Variants in ATIC observed in about 807,000 individuals in gnomAD.
ATIC encodes the protein 5-aminoimidazole-4-carboxamide ribonucleotide formyltransferase/IMP cyclohydrolase.
ATIC carries 64 observed loss-of-function variants against 72.5 expected under a neutral mutation model. The ratio of observed to expected loss-of-function variants is 0.88; its 90% confidence interval spans 0.72 to 1.09. The LOEUF is 1.09. Ranked by LOEUF, ATIC falls within the 50% of genes least tolerant of loss-of-function variation. The probability of loss-of-function intolerance (pLI) is 0.00; values close to 1 mark genes in which losing one functional copy is unlikely to be tolerated. For missense variants in ATIC, 787 were observed against 732.4 expected (o/e 1.07, Z -0.86); for synonymous variants, 281 against 267.1 (o/e 1.05, Z -0.51).
chr2:215,323,991 A>G (rs184820242), intron 4 of ATIC, among the ~76,000 whole-genome samples: 7 of 151,962 alleles, frequency 4.6e-5, no homozygotes, highest in Admixed American at 3.3e-4. Flanking sequence ...TGAACTTCCA[A>G]CCTCAGTTGA....
chr2:215,355,689 G>T, the ATIC span, among the ~76,000 whole-genome samples: 2,676 of 152,314 alleles, frequency 0.018, 53 homozygotes, highest in Non-Finnish European at 0.024. Flanking sequence ...TAGGCATATA[G>T]AAAAGTGCAT....
intron 1 of ATIC, 44 bp downstream of exon 1, chr2:215,312,205 G>T: frequency 6.8e-7 from 1 of 1,480,938 alleles, no homozygotes; most frequent in Non-Finnish European, 8.9e-7. Flanking sequence ...CTCGCCTGCG[G>T]CCCCCCACGC....
chr2:215,314,363 A>G (rs1370414211), intron 2 of ATIC, among the ~76,000 whole-genome samples: 1 of 152,222 alleles, frequency 6.6e-6, no homozygotes, highest in Non-Finnish European at 1.5e-5. Flanking sequence ...GGTATTTTAC[A>G]TATATAAACT....
chr2:215,314,788 G>A (rs767318122), intron 2 of ATIC, among the ~76,000 whole-genome samples: 12 of 152,066 alleles, frequency 7.9e-5, no homozygotes, highest in East Asian at 1.9e-4. Flanking sequence ...CACCGCACCC[G>A]AGGCCAAGAT....
At chr2:215,366,304 G>C in the ATIC span, among the ~76,000 whole-genome samples, 1 of 152,100 alleles carries the variant, frequency 6.6e-6, no homozygotes, top group Non-Finnish European at 1.5e-5. Context: ...GATTGGAGTA[G>C]ACTGTTAGGA....
intron 7 of ATIC, among the ~76,000 whole-genome samples, chr2:215,328,517 C>A (rs759682209): frequency 6.6e-6 from 1 of 152,190 alleles, no homozygotes; most frequent in East Asian, 1.9e-4. Flanking sequence ...GGCTCCTTGT[C>A]CCCTTCACCC....
At chr2:215,332,041 G>C (rs1343566337) in intron 7 of ATIC, among the ~76,000 whole-genome samples, 1 of 151,890 alleles carries the variant, frequency 6.6e-6, no homozygotes, top group Non-Finnish European at 1.5e-5. Context: ...ATGAATTCCT[G>C]ACTGATCACT....
intron 12 of ATIC, among the ~76,000 whole-genome samples, chr2:215,340,827 T>G (rs2053011295): frequency 6.6e-6 from 1 of 152,228 alleles, no homozygotes; most frequent in South Asian, 2.1e-4. Flanking sequence ...CTTTAGTTTA[T>G]TGCATGCAAC....
chr2:215,325,200 T>G (rs1559269989), intron 4 of ATIC, 41 bp from the exon 5 acceptor site: 4 of 1,503,860 alleles, frequency 2.7e-6, no homozygotes, highest in Non-Finnish European at 3.7e-6. Context: ...ACCACATGAG[T>G]GGACTTTTTA....
intron 13 of ATIC, among the ~76,000 whole-genome samples, chr2:215,346,286 T>G (rs1040919196): frequency 6.6e-6 from 1 of 152,246 alleles, no homozygotes; most frequent in Admixed American, 6.5e-5. Flanking sequence ...TTCAGCCTCC[T>G]GAGTAGCTGG....
At chr2:215,333,571 A>G (rs748688982) in intron 9 of ATIC, 114 bp downstream of exon 9, 15 of 700,068 alleles carry the variant, frequency 2.1e-5, no homozygotes, top group African/African-American at 2.0e-4. Flanking sequence ...TGTATAATAT[A>G]TAGATGAAAT....
At chr2:215,314,376 T>C (rs747554738) in intron 2 of ATIC, among the ~76,000 whole-genome samples, 29 of 152,254 alleles carry the variant, frequency 1.9e-4, no homozygotes, top group Admixed American at 3.3e-4. Context: ...TATAAACTCT[T>C]ATAGTCCTTA....
the ATIC span, among the ~76,000 whole-genome samples, chr2:215,357,002 C>A: frequency 5.1e-3 from 780 of 152,254 alleles, 6 homozygotes; most frequent in African/African-American, 0.018. Context: ...TGAAGAGCTG[C>A]CAGGCTGTTT....
intron 9 of ATIC, 123 bp from the exon 10 acceptor site, chr2:215,334,796 A>T (rs1444495284): frequency 1.3e-6 from 1 of 789,662 alleles, no homozygotes; most frequent in South Asian, 1.5e-5. Context: ...ATCTGTTAAA[A>T]TCTTATGTAA....
chr2:215,333,910 G>T (rs1483041383), intron 9 of ATIC, among the ~76,000 whole-genome samples: 1 of 151,578 alleles, frequency 6.6e-6, no homozygotes, highest in African/African-American at 2.4e-5. Flanking sequence ...GGCGTGGTGG[G>T]GGGTACCTGT....
chr2:215,367,791 C>T, the ATIC span: 2 of 1,484,012 alleles, frequency 1.3e-6, no homozygotes, highest in African/African-American at 2.8e-5. Flanking sequence ...AACATGCTTC[C>T]TTGGCACATG....
Position 215,336,236 on chromosome 2 carries a change from G to C in ATIC, c.1098+112G>C, listed in dbSNP as rs926785516. The C allele has an allele frequency of 4.6e-6, 4 of 865,252 alleles. No individual in the cohort carries two copies. The African/African-American group carries it at 6.8e-5, about 15-fold the overall frequency. The allele number at this position is 865,252 out of a possible 1,614,324, so 53.6% of individuals were successfully genotyped here. On this transcript the variant is annotated intron_variant, in intron 11 of 15. Coordinates refer to ENST00000236959, the MANE Select transcript of ATIC (RefSeq NM_004044.7). ...ACCCTTCTAGTTTATCCTTATTATAGTTTATTTTCCCCAATCCTGCATTTA... is the reference window on the plus strand; with the variant it reads ...ACCCTTCTAGTTTATCCTTATTATACTTTATTTTCCCCAATCCTGCATTTA...
At chr2:215,356,340 T>C in the ATIC span, among the ~76,000 whole-genome samples, 5 of 152,240 alleles carry the variant, frequency 3.3e-5, no homozygotes, top group African/African-American at 1.2e-4. Context: ...TCCAAATTGG[T>C]AGCCACAAAG....
At chr2:215,351,463 G>T (rs546836141), downstream of ATIC, among the ~76,000 whole-genome samples, 28 of 152,260 alleles carry the variant, frequency 1.8e-4, no homozygotes, top group Non-Finnish European at 3.4e-4. Context: ...AACATTAAGG[G>T]TATGATAATG....
Sources: allele counts gnomAD v4.1 joint callset (sites outside exome capture counted in the v4.1 genomes callset), GRCh38; gene constraint gnomAD v4.1.1; transcripts MANE v1.5; gene names NCBI Gene and HGNC (gene_info 2026-07-23, HGNC 2026-07-21).